TEX14: variants seen among roughly 807,000 people sequenced by gnomAD.
The protein encoded by TEX14 is testis expressed 14, intercellular bridge forming factor, also known as inactive serine/threonine-protein kinase TEX14.
A neutral mutation model predicts 178.6 loss-of-function variants in TEX14; 168 were observed. That is an observed-to-expected ratio of 0.94 (90% CI 0.83 to 1.07). The LOEUF (loss-of-function observed/expected upper bound fraction) is 1.07. Ranked by LOEUF, TEX14 falls within the 50% of genes least tolerant of loss-of-function variation. The pLI, the probability that TEX14 is intolerant of heterozygous loss-of-function variation, is 0.00. For synonymous variants in TEX14, 626 were observed against 634.1 expected, an observed-to-expected ratio of 0.99 and a Z score of 0.19; for missense variants, 1,730 against 1,753.6, an observed-to-expected ratio of 0.99 and a Z score of 0.24.
At chr17:58,619,092 T>C (rs1310125497) in intron 5 of TEX14, among the ~76,000 whole-genome samples, 1 of 152,230 alleles carries the variant, frequency 6.6e-6, no homozygotes, top group Admixed American at 6.5e-5. Flanking sequence ...ACAGACCTTG[T>C]GCTGACAGTG....
intron 2 of TEX14, among the ~76,000 whole-genome samples, chr17:58,651,572 G>A (rs1338759091): frequency 6.6e-6 from 1 of 152,160 alleles, no homozygotes; most frequent in Non-Finnish European, 1.5e-5. Context: ...CAGATTTCAA[G>A]GAAAGAAATC....
chr17:58,617,248 C>T (rs563825044), intron 6 of TEX14, among the ~76,000 whole-genome samples: 2 of 151,930 alleles, frequency 1.3e-5, no homozygotes, highest in Non-Finnish European at 2.9e-5. Context: ...CAGACTCTGT[C>T]TCAAAAAAAT....
intron 2 of TEX14, among the ~76,000 whole-genome samples, chr17:58,645,900 T>C (rs1355636590): frequency 2.6e-5 from 4 of 152,332 alleles, no homozygotes; most frequent in African/African-American, 4.8e-5. Flanking sequence ...TCTATGTATC[T>C]ATCCACCTAC....
In TEX14 at chr17:58,561,604, G is replaced by T; in HGVS notation, c.4073C>A (p.Ser1358Tyr). 6.2e-7 allele frequency: 1 copy of T among 1,612,116 alleles called. No homozygotes were observed. The highest frequency in any genetic ancestry group is 2.2e-5 in the East Asian group (1 of 44,880). ...DLGEDTERAH[S>Y]TLDEDLERWL... ...TCTTTCCAGGTCCTCATCCAGAGTA[G>T]AGTGAGCTCTGTTTAAGGACAAGTG... The change falls in exon 29 of 32, where the codon TCT becomes TAT. Residue 1358 changes from serine (S) to tyrosine (Y), a missense_variant. Transcript: ENST00000349033.
chr17:58,612,924 G>A (rs987205081), intron 9 of TEX14, among the ~76,000 whole-genome samples: 2 of 151,820 alleles, frequency 1.3e-5, no homozygotes, highest in Non-Finnish European at 2.9e-5. Flanking sequence ...AGGACAGGCC[G>A]GGTGCAGTGG....
At chr17:58,689,384 C>A (rs2047654157) in intron 1 of TEX14, among the ~76,000 whole-genome samples, 2 of 151,908 alleles carry the variant, frequency 1.3e-5, no homozygotes, top group South Asian at 2.1e-4. Context: ...ACATGCCCAG[C>A]TAATTTTTGT....
chr17:58,685,279 T>C (rs1385288864), intron 1 of TEX14, among the ~76,000 whole-genome samples: 1 of 151,058 alleles, frequency 6.6e-6, no homozygotes, highest in Non-Finnish European at 1.5e-5. Flanking sequence ...ACTAAAAAAA[T>C]ACAAAAATTA....
chr17:58,616,168 C>T lies in TEX14; in HGVS notation c.767+7G>A, dbSNP rs771145618. ...ATCAGACCTCAAACTGGCCAGCCCC[C>T]ACTTACTTGGTCATGACCATGTAGG... On this transcript the variant is annotated splice_region_variant and intron_variant, in intron 7 of 31. Coordinates refer to ENST00000349033, the MANE Select transcript of TEX14 (RefSeq NM_031272.5). 6 of 1,609,816 alleles carry T rather than the reference C, an allele frequency of 3.7e-6. No individual in the cohort carries two copies. Among genetic ancestry groups the T allele is most frequent in the Admixed American group, 1.7e-5 (1 of 59,020 alleles).
rs780437709 is a variant in TEX14, at chr17:58,556,989, TC to T, written c.*21del. The T allele has an allele frequency of 6.2e-7, 1 of 1,605,936 alleles. No homozygotes were observed. Among genetic ancestry groups the T allele is most frequent in the Admixed American group, 1.7e-5 (1 of 59,990 alleles). ...AGGACACTCAAACTCAGGCCAGGAG[TC>T]CGTCTATGATCCAATTCCAATCAGT... is the stretch of plus-strand genomic sequence containing the variant. On this transcript the variant is annotated 3_prime_UTR_variant, in exon 32 of 32. Transcript: ENST00000349033.
At chr17:58,585,622 T>G (rs977742168) in intron 18 of TEX14, among the ~76,000 whole-genome samples, 179 bp downstream of exon 18, 57 of 144,890 alleles carry the variant, frequency 3.9e-4, no homozygotes, top group Non-Finnish European at 6.5e-4. Flanking sequence ...TTTTTTTTTT[T>G]TTTTTTTTTT....
In TEX14 at chr17:58,592,236, A is replaced by T. The variant is rs531491867; in HGVS notation, c.2576+1319T>A. ...CTTAAGTTCGTTCTTTATTTATTTAATTTTTTTTTTTGAGTCAGAATCTCA... is the reference window on the plus strand; with the variant it reads ...CTTAAGTTCGTTCTTTATTTATTTATTTTTTTTTTTTGAGTCAGAATCTCA... On this transcript the variant is annotated intron_variant, in intron 15 of 31. Transcript: ENST00000349033. Among the ~76,000 whole-genome samples, 11 of 148,854 alleles carry T rather than the reference A, an allele frequency of 7.4e-5. No homozygotes were observed. In the South Asian group the frequency reaches 1.9e-3, roughly 26 times the overall value.
chr17:58,577,977 A>G (rs2044719854), intron 20 of TEX14, among the ~76,000 whole-genome samples: 1 of 151,420 alleles, frequency 6.6e-6, no homozygotes, highest in African/African-American at 2.4e-5. Flanking sequence ...ATCTGAAGTT[A>G]CTCCTCCCCA....
At chr17:58,664,714 T>C (rs955369924) in intron 1 of TEX14, among the ~76,000 whole-genome samples, 1 of 152,238 alleles carries the variant, frequency 6.6e-6, no homozygotes, top group Non-Finnish European at 1.5e-5. Flanking sequence ...TGATAAAATA[T>C]ATACATTTCC....
At chr17:58,622,437 C>CAA (rs1336152646) in intron 4 of TEX14, among the ~76,000 whole-genome samples, 6 of 113,920 alleles carry the variant, frequency 5.3e-5, no homozygotes, top group Admixed American at 8.7e-5. Flanking sequence ...GACTCCTTCC[C>CAA]AAAAAAAAAA....
At chr17:58,588,115 T>C (rs2045027289) in intron 15 of TEX14, 94 bp from the exon 16 acceptor site, 3 of 657,194 alleles carry the variant, frequency 4.6e-6, no homozygotes, top group African/African-American at 1.8e-5. Flanking sequence ...CTTGGGAGAT[T>C]TTCAGAGGTA....
chr17:58,611,174 A>T lies in TEX14; in HGVS notation c.1171T>A (p.Tyr391Asn), dbSNP rs973284951. Residue 391 changes from tyrosine (Y) to asparagine (N), a missense_variant, in exon 10 of 32, where the codon TAC becomes AAC. Transcript: ENST00000349033. The stretch of plus-strand genomic sequence containing the variant: ...TGTTATGCCCACCTTTCCAACATGT[A>T]CTCCAGGTTGGTCAGCCTCGCTTCA... ...PGEARLTNLE[Y>N]MLESEDRGVQ... 6.2e-7 allele frequency: 1 copy of T among 1,613,192 alleles called. No individual in the cohort carries two copies. The highest frequency in any genetic ancestry group is 8.5e-7 in the Non-Finnish European group (1 of 1,179,462).
In TEX14 at chr17:58,615,281, T is replaced by G. The variant is rs1263235316; in HGVS notation, c.832A>C (p.Ser278Arg). ...ELNLPTHPHC[S>R]RLRLADLLIA... is the part of the protein sequence containing the mutation. Reference sequence around the variant, plus strand: ...AACAAGTCGGCCAGCCGCAGCCTGCTGCAGTGTGGGTGGGTGGGGAGATTC... The same window carrying G: ...AACAAGTCGGCCAGCCGCAGCCTGCGGCAGTGTGGGTGGGTGGGGAGATTC... Residue 278 changes from serine (S) to arginine (R), a missense_variant, in exon 8 of 32, where the codon AGC (serine) becomes CGC (arginine). Around this residue, in one of 2 missense-constraint regions of TEX14, gnomAD observed 789 missense variants for 681.2 expected, o/e 1.16. Coordinates refer to ENST00000349033, the MANE Select transcript of TEX14 (RefSeq NM_031272.5). 6.2e-7 allele frequency: 1 copy of G among 1,613,996 alleles called. No homozygotes were observed. Among genetic ancestry groups the G allele is most frequent in the Non-Finnish European group, 8.5e-7 (1 of 1,179,894 alleles).
intron 2 of TEX14, among the ~76,000 whole-genome samples, chr17:58,637,697 A>G (rs1477492971): frequency 6.6e-6 from 1 of 152,126 alleles, no homozygotes; most frequent in Non-Finnish European, 1.5e-5. Context: ...GCTCATCTGT[A>G]TATTTTGTGA....
chr17:58,573,611 C>T (rs1363746300), intron 22 of TEX14, among the ~76,000 whole-genome samples: 3 of 152,110 alleles, frequency 2.0e-5, no homozygotes, highest in Admixed American at 6.5e-5. Context: ...CTCCGCCTCC[C>T]GGGTTCAAGT....
Sources: gnomAD v4.1 joint callset for allele counts (sites outside exome capture counted in the v4.1 genomes callset) on GRCh38, gnomAD v4.1.1 for gene constraint, gnomAD v4.1.1 regional missense constraint, MANE v1.5 for transcripts, NCBI Gene and HGNC (gene_info 2026-07-23, HGNC 2026-07-21) for gene names.